The following HDAC8 variants were observed in gnomAD, a reference collection of about 807,000 sequenced individuals.
HDAC8 encodes histone deacetylase-like 1.
A neutral mutation model predicts 32.2 loss-of-function variants in HDAC8; 1 was observed. That is an observed-to-expected ratio of 0.03 (90% CI 0.01 to 0.15). The LOEUF (loss-of-function observed/expected upper bound fraction) is 0.15, where lower values mean the gene tolerates loss of function less well. Ranked by LOEUF, HDAC8 falls within the 10% of genes least tolerant of loss-of-function variation. The pLI, the probability that HDAC8 is intolerant of heterozygous loss-of-function variation, is 1.00. For missense variants in HDAC8, 117 were observed against 300.0 expected (o/e 0.39, Z 4.51); for synonymous variants, 108 against 113.9 (o/e 0.95, Z 0.33).
At chrX:72,474,815 C>T in intron 7 of HDAC8, 3 of 558,845 alleles carry the variant, frequency 5.4e-6, no homozygotes, top group Non-Finnish European at 8.9e-6. Flanking sequence ...AGAGTTACTC[C>T]CTTTTCTTTG....
chrX:72,413,061 CTTTTG>C (rs1424859342), intron 9 of HDAC8, among the ~76,000 whole-genome samples: 1 of 110,882 alleles, frequency 9.0e-6, no homozygotes, highest in African/African-American at 3.3e-5. Context: ...CATCCAATTC[CTTTTG>C]TTTTAATTGT....
chrX:72,462,681 G>C (rs1363801574), intron 8 of HDAC8, among the ~76,000 whole-genome samples: 1 of 111,601 alleles, frequency 9.0e-6, no homozygotes, highest in African/African-American at 3.3e-5. Context: ...GACCGTTGAT[G>C]GATGCTCTGA....
chrX:72,436,554 A>G (rs2046956247), intron 9 of HDAC8, among the ~76,000 whole-genome samples: 1 of 110,692 alleles, frequency 9.0e-6, no homozygotes, highest in Non-Finnish European at 1.9e-5. Flanking sequence ...TTATCAGCAG[A>G]TCTAACCTAT....
At chrX:72,441,378 C>T (rs782128762) in intron 9 of HDAC8, among the ~76,000 whole-genome samples, 11 of 112,051 alleles carry the variant, frequency 9.8e-5, no homozygotes, top group South Asian at 7.5e-4. Flanking sequence ...TCGTGGTTCA[C>T]GAAAATCCAC....
intron 4 of HDAC8, among the ~76,000 whole-genome samples, chrX:72,497,189 T>C (rs1351700962): frequency 1.8e-5 from 2 of 111,319 alleles, no homozygotes; most frequent in African/African-American, 3.3e-5. Context: ...ATAATAATAA[T>C]GATGACGAAG....
chrX:72,495,515 T>C (rs1472644160), intron 4 of HDAC8, among the ~76,000 whole-genome samples: 1 of 112,027 alleles, frequency 8.9e-6, no homozygotes, highest in African/African-American at 3.2e-5. Flanking sequence ...TTTCAAAGCA[T>C]TAGAATATTA....
intron 9 of HDAC8, among the ~76,000 whole-genome samples, chrX:72,425,658 A>G (rs2046618549): frequency 8.9e-6 from 1 of 112,022 alleles, no homozygotes; most frequent in African/African-American, 3.2e-5. Flanking sequence ...GTGTCAGATC[A>G]TTTAAGGTAG....
chrX:72,371,212 G>A (rs1395657638), intron 9 of HDAC8, among the ~76,000 whole-genome samples: 1 of 111,834 alleles, frequency 8.9e-6, no homozygotes, highest in Non-Finnish European at 1.9e-5. Context: ...AGAATAAATA[G>A]GAATAGTAAT....
chrX:72,511,866 T>C (rs1275773226), intron 4 of HDAC8, among the ~76,000 whole-genome samples: 7 of 112,292 alleles, frequency 6.2e-5, no homozygotes, highest in Non-Finnish European at 1.1e-4. Flanking sequence ...TGTCATGTTA[T>C]AGCTACATTA....
chrX:72,431,903 G>A (rs1602800656), intron 9 of HDAC8, among the ~76,000 whole-genome samples: 1 of 111,763 alleles, frequency 8.9e-6, no homozygotes, highest in African/African-American at 3.3e-5. Flanking sequence ...TCAAACAATC[G>A]AGGCTTAGAG....
intron 9 of HDAC8, among the ~76,000 whole-genome samples, chrX:72,388,595 T>TGCAC (rs1379617379): frequency 1.1e-5 from 1 of 88,385 alleles, no homozygotes; most frequent in Non-Finnish European, 2.2e-5. Context: ...CCACAGTGAT[T>TGCAC]ACACACACAC....
At chrX:72,411,030 C>CTTTTCTTTTCTTTCTTTCTTTCCTT (rs113344428) in intron 9 of HDAC8, among the ~76,000 whole-genome samples, 2 of 83,581 alleles carry the variant, frequency 2.4e-5, no homozygotes, top group African/African-American at 1.0e-4. Context: ...TTCTTTCTTT[C>CTTTTCTTTTCTTTCTTTCTTTCCTT]TTTTTTTTTT....
chrX:72,451,393 C>G (rs2047567320), intron 9 of HDAC8, among the ~76,000 whole-genome samples: 2 of 111,656 alleles, frequency 1.8e-5, no homozygotes, highest in Non-Finnish European at 3.8e-5. Flanking sequence ...GATGGGGTTT[C>G]ACCATGTTGG....
chrX:72,385,292 G>T (rs1426583957), intron 9 of HDAC8, among the ~76,000 whole-genome samples: 1 of 110,602 alleles, frequency 9.0e-6, no homozygotes, highest in Non-Finnish European at 1.9e-5. Context: ...GCAAGATCTT[G>T]TCTCTACAAA....
intron 9 of HDAC8, among the ~76,000 whole-genome samples, chrX:72,443,495 G>A (rs1194648412): frequency 9.0e-6 from 1 of 110,538 alleles, no homozygotes; most frequent in Non-Finnish European, 1.9e-5. Flanking sequence ...AAGGAGAACA[G>A]AGACACAACA....
chrX:72,370,683 C>A (rs996400167), intron 9 of HDAC8, among the ~76,000 whole-genome samples: 1 of 112,129 alleles, frequency 8.9e-6, no homozygotes, highest in African/African-American at 3.2e-5. Flanking sequence ...TAAGTATTAA[C>A]TCACATGATC....
chrX:72,566,170 A>G (rs782223592), intron 4 of HDAC8, among the ~76,000 whole-genome samples: 34 of 109,709 alleles, frequency 3.1e-4, no homozygotes, highest in Non-Finnish European at 5.7e-4. Context: ...CAAGAAAGAA[A>G]GAAAGAGGCC....
At chrX:72,355,231 G>C (rs1467669246) in intron 9 of HDAC8, among the ~76,000 whole-genome samples, 1 of 112,202 alleles carries the variant, frequency 8.9e-6, no homozygotes, top group Non-Finnish European at 1.9e-5. Context: ...TGTTGGAGTG[G>C]AGGGATTTGG....
rs1287861803 is a variant in HDAC8 at position 72,440,821 on chromosome X, T to C, written c.1005+21183A>G. 7.1e-5 allele frequency among the ~76,000 whole-genome samples: 8 copies of C among 112,262 alleles called. No individual in the cohort carries two copies. The Admixed American group carries it at 7.5e-4, about 11-fold the overall frequency. ...AGACAGCACCTGGAAAATCGGGTCA[T>C]TCCCACCCTAATACTGCGCTTTTCC... is the stretch of plus-strand genomic sequence containing the variant. On this transcript the variant is annotated intron_variant, in intron 9 of 10. Transcript: ENST00000373573.
Sources: gnomAD v4.1 joint callset for allele counts (sites outside exome capture counted in the v4.1 genomes callset) on GRCh38, gnomAD v4.1.1 for gene constraint, MANE v1.5 for transcripts, NCBI Gene and HGNC (gene_info 2026-07-23, HGNC 2026-07-21) for gene names.